Variants in ASDURF observed in about 807,000 individuals in gnomAD.
The protein encoded by ASDURF is ASNSD1 upstream open reading frame, also known as ASDURF protein.
A neutral mutation model predicts 3.3 loss-of-function variants in ASDURF; 3 were observed. The observed-to-expected ratio is 0.92, with a 90% CI of 0.42 to 2.37. The LOEUF is 2.37. Among genes scored for constraint, ASDURF ranks in the 30% most tolerant of loss-of-function variants. ASDURF has a pLI of 0.05. For synonymous variants in ASDURF, 11 were observed against 8.3 expected (o/e 1.32, Z -0.55); for missense variants, 23 against 25.4 (o/e 0.90, Z 0.21).
chr2:189,662,104 G>A (rs944422259), intron 1 of ASDURF, among the ~76,000 whole-genome samples: 1 of 152,088 alleles, frequency 6.6e-6, no homozygotes, highest in Non-Finnish European at 1.5e-5. Context: ...CCCTGCCCCC[G>A]GCAAGGCCTT....
At chr2:189,661,931 T>C (rs935922107) in intron 1 of ASDURF, among the ~76,000 whole-genome samples, 1 of 152,158 alleles carries the variant, frequency 6.6e-6, no homozygotes, top group Non-Finnish European at 1.5e-5. Context: ...CCATCAAAGA[T>C]ATTCTCCATC....
intron 1 of ASDURF, among the ~76,000 whole-genome samples, chr2:189,663,063 A>C (rs972706628): frequency 6.6e-6 from 1 of 152,014 alleles, no homozygotes; most frequent in Non-Finnish European, 1.5e-5. Flanking sequence ...CTGTCCCCAA[A>C]TAGGGCATTG....
chr2:189,661,571 C>T lies in ASDURF; in HGVS notation c.51C>T (p.Thr17=), dbSNP rs2032664943. Residue 17 remains threonine, a synonymous_variant, in exon 1 of 4, where the codon ACC becomes ACT. Coordinates refer to ENST00000607829, the MANE Select transcript of ASDURF (RefSeq NM_001353493.2). Reference sequence around the variant, plus strand: ...AGGACAGCTCTGTGCTGATCCCCACCGACAATTCGACCCCACACAAGGAGG... The same window carrying T: ...AGGACAGCTCTGTGCTGATCCCCACTGACAATTCGACCCCACACAAGGAGG... ...RPEDSSVLIP[T]DNSTPHKEDL... 2.5e-6 allele frequency: 1 copy of T among 399,204 alleles called. No homozygotes were observed. Among genetic ancestry groups the T allele is most frequent in the Non-Finnish European group, 4.4e-6 (1 of 226,216 alleles). 24.7% of individuals were successfully genotyped at this position (399,204 alleles called of 1,614,324 possible).
At chr2:189,662,574 T>A (rs183820267) in intron 1 of ASDURF, among the ~76,000 whole-genome samples, 1 of 152,076 alleles carries the variant, frequency 6.6e-6, no homozygotes, top group Admixed American at 6.5e-5. Flanking sequence ...TGGGGGTGAA[T>A]TTTCAAAAGA....
At chr2:189,664,152 A>G (rs558859952) in intron 2 of ASDURF, among the ~76,000 whole-genome samples, 198 bp downstream of exon 2, 5 of 152,254 alleles carry the variant, frequency 3.3e-5, no homozygotes, top group South Asian at 4.1e-4. Context: ...TCTTTTTTCT[A>G]TCATATGCCA....
chr2:189,665,598 G>GTATATATATATATA (rs869147580), intron 3 of ASDURF, 147 bp downstream of exon 3: 1 of 14,634 alleles, frequency 6.8e-5, no homozygotes, highest in Non-Finnish European at 2.2e-4. Context: ...ATATATATGT[G>GTATATATATATATA]TATATATATA....
intron 1 of ASDURF, among the ~76,000 whole-genome samples, chr2:189,662,267 C>T (rs2032685011): frequency 6.6e-6 from 1 of 152,172 alleles, no homozygotes; most frequent in African/African-American, 2.4e-5. Flanking sequence ...AAACAAACAA[C>T]CTTTAAAGAT....
chr2:189,661,760 C>A (rs1340778764), intron 1 of ASDURF, 150 bp downstream of exon 1: 9 of 397,224 alleles, frequency 2.3e-5, no homozygotes, highest in Non-Finnish European at 4.0e-5. Flanking sequence ...ACTTGACAGC[C>A]ACAGTTAGTC....
chr2:189,665,228 G>T (rs1419659221), intron 2 of ASDURF, 148 bp from the exon 3 acceptor site: 3 of 369,814 alleles, frequency 8.1e-6, no homozygotes, highest in Non-Finnish European at 1.4e-5. Context: ...TGGGCAGTGG[G>T]TGACTTTTAT....
intron 1 of ASDURF, among the ~76,000 whole-genome samples, chr2:189,662,607 A>G (rs1218111793): frequency 6.6e-6 from 1 of 152,158 alleles, no homozygotes; most frequent in Non-Finnish European, 1.5e-5. Context: ...TCTGATTACC[A>G]CCATAGCAAG....
At chr2:189,663,661 G>A (rs2032724030) in intron 1 of ASDURF, among the ~76,000 whole-genome samples, 1 of 152,090 alleles carries the variant, frequency 6.6e-6, no homozygotes, top group Non-Finnish European at 1.5e-5. Flanking sequence ...GGTCTTAATG[G>A]GTTACCTAAC....
intron 1 of ASDURF, among the ~76,000 whole-genome samples, chr2:189,663,219 G>T (rs2032708327): frequency 6.7e-6 from 1 of 149,832 alleles, no homozygotes; most frequent in African/African-American, 2.5e-5. Flanking sequence ...AATTCCTTTT[G>T]GTGTATATCA....
chr2:189,661,637 T>C (rs1260892171), intron 1 of ASDURF, 27 bp downstream of exon 1: 4 of 399,276 alleles, frequency 1.0e-5, no homozygotes, highest in Non-Finnish European at 1.8e-5. Context: ...ACGAAAAGGC[T>C]CCTGGACTCG....
intron 2 of ASDURF, among the ~76,000 whole-genome samples, chr2:189,664,812 A>C (rs933101074): frequency 1.9e-5 from 2 of 104,522 alleles, no homozygotes. Flanking sequence ...AATTGGCAAA[A>C]AGTCTCAACA....
intron 1 of ASDURF, among the ~76,000 whole-genome samples, chr2:189,662,121 C>T (rs2032680353): frequency 6.6e-6 from 1 of 152,218 alleles, no homozygotes; most frequent in South Asian, 2.1e-4. Context: ...CCTTCCTAAG[C>T]GGTCTCTCCT....
Position 189,665,630 on chromosome 2 carries a change from A to G in ASDURF, c.220+179A>G, listed in dbSNP as rs868259662. On this transcript the variant is annotated intron_variant, in intron 3 of 3. Coordinates refer to ENST00000607829, the MANE Select transcript of ASDURF (RefSeq NM_001353493.2). The stretch of plus-strand genomic sequence containing the variant: ...TATATATATATATATATATATATAT[A>G]TATATATATATATATATTATAAATG... Among the ~76,000 whole-genome samples the G allele has an allele frequency of 4.3e-3, 424 of 97,484 alleles. 11 individuals are homozygous for G. The highest frequency in any genetic ancestry group is 0.015 in the African/African-American group (387 of 26,554). 64.0% of individuals were successfully genotyped at this position (97,484 alleles called of 152,430 possible). A position where few individuals can be genotyped will look rare whatever the true frequency, so the allele number is the denominator to read the frequency against.
chr2:189,664,011 ATATT>A (rs1365318221), intron 2 of ASDURF, 57 bp downstream of exon 2: 1 of 373,056 alleles, frequency 2.7e-6, no homozygotes, highest in Non-Finnish European at 4.8e-6. Flanking sequence ...TGTTAACTAT[ATATT>A]AAAGTTATAA....
chr2:189,663,461 C>T (rs6434361), intron 1 of ASDURF, among the ~76,000 whole-genome samples: 95,385 of 151,980 alleles, frequency 0.63, 32,094 homozygotes, highest in South Asian at 0.76. Context: ...GCATGTTGGT[C>T]AGGCTGGTCT....
chr2:189,665,728 C>T (rs112638441), intron 3 of ASDURF, among the ~76,000 whole-genome samples: 2 of 150,490 alleles, frequency 1.3e-5, no homozygotes, highest in African/African-American at 4.9e-5. Context: ...ACCATTACCA[C>T]TTTCTACCTT....
Sources: allele counts gnomAD v4.1 joint callset (sites outside exome capture counted in the v4.1 genomes callset), GRCh38; gene constraint gnomAD v4.1.1; transcripts MANE v1.5; gene names NCBI Gene and HGNC (gene_info 2026-07-23, HGNC 2026-07-21).